Variants in STEAP1B observed in about 807,000 individuals in gnomAD.
STEAP1B encodes STEAP family protein MGC87042.
STEAP1B carries 13 observed loss-of-function variants against 27.9 expected under a neutral mutation model. The observed-to-expected ratio is 0.47, with a 90% CI of 0.30 to 0.74. The LOEUF (loss-of-function observed/expected upper bound fraction) is 0.74, where lower values mean the gene tolerates loss of function less well. Among genes scored for constraint, STEAP1B ranks in the 30% least tolerant of loss-of-function variants. The probability of loss-of-function intolerance (pLI) is 0.06; values close to 1 mark genes in which losing one functional copy is unlikely to be tolerated. For missense variants in STEAP1B, 250 were observed against 298.7 expected, an observed-to-expected ratio of 0.84 and a Z score of 1.20; for synonymous variants, 86 against 107.1, an observed-to-expected ratio of 0.80 and a Z score of 1.22.
At chr7:22,477,773 T>C (rs1314315417) in intron 4 of STEAP1B, among the ~76,000 whole-genome samples, 4 of 152,132 alleles carry the variant, frequency 2.6e-5, no homozygotes, top group Non-Finnish European at 1.5e-5. Context: ...ATGTGTCACA[T>C]GCAAATAGGG....
intron 4 of STEAP1B, among the ~76,000 whole-genome samples, chr7:22,423,406 C>A (rs956675570): frequency 3.0e-4 from 46 of 152,132 alleles, no homozygotes; most frequent in Admixed American, 3.0e-3. Flanking sequence ...ATGGCACATC[C>A]GTCAGTGGAC....
In STEAP1B at chr7:22,421,366, G is replaced by A. The variant is rs137972431; in HGVS notation, c.763-1530C>T. ...CACACATTGTGCTGAGCAACATTGT[G>A]TTTCAACTTTGCTATGTCTTGTGAG... On this transcript the variant is annotated intron_variant, in intron 4 of 4. Coordinates refer to ENST00000678116, the MANE Select transcript of STEAP1B (RefSeq NM_001382447.1). Among the ~76,000 whole-genome samples, 242 of 152,350 alleles carry A rather than the reference G, an allele frequency of 1.6e-3. 1 individual carries two copies. The highest frequency in any genetic ancestry group is 5.4e-3 in the African/African-American group (226 of 41,582).
intron 1 of STEAP1B, among the ~76,000 whole-genome samples, chr7:22,498,309 C>T (rs1194590970): frequency 2.0e-5 from 3 of 152,140 alleles, no homozygotes; most frequent in Non-Finnish European, 2.9e-5. Flanking sequence ...GACCCCAGCT[C>T]CCGCACTGGG....
At chr7:22,425,665 T>C (rs1224324262) in intron 4 of STEAP1B, among the ~76,000 whole-genome samples, 1 of 152,212 alleles carries the variant, frequency 6.6e-6, no homozygotes, top group Non-Finnish European at 1.5e-5. Flanking sequence ...TAAAAAATCT[T>C]CTATAATTAT....
At chr7:22,489,362 A>G (rs1384353695) in intron 4 of STEAP1B, among the ~76,000 whole-genome samples, 2 of 152,246 alleles carry the variant, frequency 1.3e-5, no homozygotes, top group African/African-American at 4.8e-5. Flanking sequence ...AGAAAAAGGT[A>G]TAAGACCCTC....
chr7:22,487,823 G>A (rs964235506), intron 4 of STEAP1B, among the ~76,000 whole-genome samples: 299 of 121,348 alleles, frequency 2.5e-3, no homozygotes, highest in Middle Eastern at 4.3e-3. Context: ...AAAAAAAAAA[G>A]AAAAAAGAAA....
chr7:22,421,584 T>A (rs1785043466), intron 4 of STEAP1B, among the ~76,000 whole-genome samples: 1 of 152,272 alleles, frequency 6.6e-6, no homozygotes, highest in Non-Finnish European at 1.5e-5. Context: ...GTTCCATGGA[T>A]GTTCTAGCTC....
rs185546616 is a variant in STEAP1B at position 22,481,470 on chromosome 7, T to C, written c.762+11095A>G. Among the ~76,000 whole-genome samples, 56 of 152,290 alleles carry C rather than the reference T, an allele frequency of 3.7e-4. No homozygotes were observed. The East Asian group carries it at 9.8e-3, about 27-fold the overall frequency. On this transcript the variant is annotated intron_variant, in intron 4 of 4. Coordinates refer to ENST00000678116, the MANE Select transcript of STEAP1B (RefSeq NM_001382447.1). ...GAAGCCTGGAGGCTGGTTTTACCTC[T>C]ACAAGAAGAGAATGGTATTGATGCC... is the stretch of plus-strand genomic sequence containing the variant.
At chr7:22,458,088 A>G (rs1169667059) in intron 4 of STEAP1B, among the ~76,000 whole-genome samples, 1 of 152,164 alleles carries the variant, frequency 6.6e-6, no homozygotes, top group Non-Finnish European at 1.5e-5. Context: ...CAGACAATAT[A>G]ATGTAGCTGA....
At chr7:22,497,764 C>T (rs927815934) in intron 1 of STEAP1B, among the ~76,000 whole-genome samples, 12 of 152,174 alleles carry the variant, frequency 7.9e-5, no homozygotes, top group African/African-American at 2.9e-4. Flanking sequence ...ATTTAATTGG[C>T]TCATGGTTCC....
chr7:22,483,671 T>A (rs1318848729), intron 4 of STEAP1B, among the ~76,000 whole-genome samples: 1 of 152,188 alleles, frequency 6.6e-6, no homozygotes, highest in African/African-American at 2.4e-5. Context: ...ATCTTTGATG[T>A]TACTACCGTA....
chr7:22,488,963 G>C (rs1039201656), intron 4 of STEAP1B, among the ~76,000 whole-genome samples: 3 of 152,204 alleles, frequency 2.0e-5, no homozygotes, highest in Non-Finnish European at 4.4e-5. Flanking sequence ...ACTAGGAGTT[G>C]CAAAGACCGG....
chr7:22,494,482 C>T (rs904477697), intron 2 of STEAP1B, among the ~76,000 whole-genome samples: 1 of 150,938 alleles, frequency 6.6e-6, no homozygotes, highest in Non-Finnish European at 1.5e-5. Context: ...ATTGGAAGGG[C>T]CTTGGGGATG....
chr7:22,486,984 T>C (rs1462478344), intron 4 of STEAP1B, among the ~76,000 whole-genome samples: 2 of 152,230 alleles, frequency 1.3e-5, no homozygotes, highest in Non-Finnish European at 2.9e-5. Context: ...AGGCTGTCAC[T>C]ATAAATGTTA....
intron 4 of STEAP1B, among the ~76,000 whole-genome samples, chr7:22,445,670 G>T (rs1785398867): frequency 6.6e-6 from 1 of 152,254 alleles, no homozygotes; most frequent in Non-Finnish European, 1.5e-5. Flanking sequence ...AAGTCCCCGT[G>T]GTGATCCAGC....
At chr7:22,444,219 G>A (rs903833870) in intron 4 of STEAP1B, among the ~76,000 whole-genome samples, 14 of 152,162 alleles carry the variant, frequency 9.2e-5, no homozygotes, top group African/African-American at 3.4e-4. Flanking sequence ...CTGCAAAGGA[G>A]TGAGGGTACC....
At chr7:22,479,347 CT>C (rs1357353443) in intron 4 of STEAP1B, among the ~76,000 whole-genome samples, 2 of 152,218 alleles carry the variant, frequency 1.3e-5, no homozygotes, top group African/African-American at 4.8e-5. Flanking sequence ...GCTGCCTGCC[CT>C]TAACAGAATC....
At chr7:22,431,149 G>T (rs7810571) in intron 4 of STEAP1B, among the ~76,000 whole-genome samples, 5,028 of 152,298 alleles carry the variant, frequency 0.033, 281 homozygotes, top group African/African-American at 0.12. Context: ...AGACAGTATT[G>T]GCGCAGTAAC....
At chr7:22,423,839 G>C (rs546632591) in intron 4 of STEAP1B, among the ~76,000 whole-genome samples, 3 of 152,214 alleles carry the variant, frequency 2.0e-5, no homozygotes, top group South Asian at 4.1e-4. Context: ...GACCAGCCTG[G>C]GAAACACAGG....
Sources: allele counts gnomAD v4.1 joint callset (sites outside exome capture counted in the v4.1 genomes callset), GRCh38; gene constraint gnomAD v4.1.1; transcripts MANE v1.5; gene names NCBI Gene and HGNC (gene_info 2026-07-23, HGNC 2026-07-21).